C1QTNF9: variants seen among roughly 807,000 people sequenced by gnomAD.
The protein encoded by C1QTNF9 is complement C1q and tumor necrosis factor-related protein 9A.
Under a neutral mutation model 10.1 loss-of-function variants are expected in C1QTNF9, and 6 were observed. The observed-to-expected ratio is 0.59, with a 90% CI of 0.32 to 1.17. The LOEUF (loss-of-function observed/expected upper bound fraction) is 1.17. Among genes scored for constraint, C1QTNF9 ranks in the 50% most tolerant of loss-of-function variants. The pLI, the probability that C1QTNF9 is intolerant of heterozygous loss-of-function variation, is 0.04. For synonymous variants in C1QTNF9, 98 were observed against 163.5 expected, an observed-to-expected ratio of 0.60 and a Z score of 3.06; for missense variants, 201 against 418.8, an observed-to-expected ratio of 0.48 and a Z score of 4.54.
intron 1 of C1QTNF9, among the ~76,000 whole-genome samples, chr13:24,314,223 C>A (rs1361978701): frequency 2.0e-5 from 3 of 152,060 alleles, no homozygotes; most frequent in Admixed American, 6.6e-5. Flanking sequence ...ACTATGCCCA[C>A]GTTTTTGTTT....
At chr13:24,317,045 G>C (rs1878065798) in intron 2 of C1QTNF9, among the ~76,000 whole-genome samples, 1 of 152,174 alleles carries the variant, frequency 6.6e-6, no homozygotes, top group Non-Finnish European at 1.5e-5. Flanking sequence ...TTTTGAGTGG[G>C]CTGGATGAAG....
intron 3 of C1QTNF9, among the ~76,000 whole-genome samples, chr13:24,319,495 C>T (rs1593536367): frequency 6.6e-6 from 1 of 152,210 alleles, no homozygotes. Flanking sequence ...GCCATGATCT[C>T]GTCACTGCAC....
chr13:24,311,040 C>T (rs375534604), intron 1 of C1QTNF9, among the ~76,000 whole-genome samples: 1 of 152,172 alleles, frequency 6.6e-6, no homozygotes, highest in African/African-American at 2.4e-5. Flanking sequence ...TCGTCAGATC[C>T]GGGAGGGCAT....
exon 4 of C1QTNF9, chr13:24,322,101 G>A (rs932396972): frequency 4.7e-5 from 11 of 234,910 alleles, no homozygotes; most frequent in African/African-American, 6.8e-5. Flanking sequence ...CCTCATCTGT[G>A]TTTCTGAGGA....
chr13:24,321,238 G>C, exon 4 of C1QTNF9: 1 of 1,271,080 alleles, frequency 7.9e-7, no homozygotes, highest in Non-Finnish European at 1.1e-6. Flanking sequence ...GGGCCCTATT[G>C]GAAAGCCTGG....
intron 2 of C1QTNF9, among the ~76,000 whole-genome samples, chr13:24,318,617 T>G (rs866193421): frequency 7.3e-6 from 1 of 137,002 alleles, no homozygotes; most frequent in African/African-American, 2.6e-5. Context: ...ATTTCTTAGG[T>G]CACTTATCCC....
At chr13:24,319,522 G>C (rs1878168740) in intron 3 of C1QTNF9, among the ~76,000 whole-genome samples, 1 of 152,164 alleles carries the variant, frequency 6.6e-6, no homozygotes, top group Non-Finnish European at 1.5e-5. Flanking sequence ...CTGGGTAACA[G>C]AGTGGGTGAC....
chr13:24,312,068 A>G (rs1877845813), intron 1 of C1QTNF9, among the ~76,000 whole-genome samples: 2 of 152,172 alleles, frequency 1.3e-5, no homozygotes, highest in African/African-American at 2.4e-5. Context: ...ATTACTCTGG[A>G]TGAAGGTGAG....
At chr13:24,309,308 T>TATATATATATATATA (rs1480664232), upstream of C1QTNF9, among the ~76,000 whole-genome samples, 1 of 141,556 alleles carries the variant, frequency 7.1e-6, no homozygotes, top group Non-Finnish European at 1.5e-5. Context: ...TATATATATA[T>TATATATATATATATA]GAAAGAAACC....
At chr13:24,312,960 AAAAAAAAAAG>A (rs1339438888) in intron 1 of C1QTNF9, among the ~76,000 whole-genome samples, 2 of 151,620 alleles carry the variant, frequency 1.3e-5, no homozygotes, top group Admixed American at 6.6e-5. Context: ...ATCTCAAAAA[AAAAAAAAAAG>A]AAAAAAAAAA....
At chr13:24,316,523 G>C (rs1399824589) in intron 2 of C1QTNF9, among the ~76,000 whole-genome samples, 1 of 152,162 alleles carries the variant, frequency 6.6e-6, no homozygotes, top group African/African-American at 2.4e-5. Flanking sequence ...AGGTATGATG[G>C]ATTTTTGGCA....
chr13:24,318,075 G>A lies in C1QTNF9; in HGVS notation c.167-743G>A, dbSNP rs1176552262. ...CCACGTCAGTGGGTCTGAAGTATGG[G>A]AGTCTCTGCTGCTTTGTGAGAAGCC... On this transcript the variant is annotated intron_variant, in intron 2 of 3. Coordinates refer to ENST00000332018, the Ensembl canonical transcript of C1QTNF9. 2.0e-5 allele frequency among the ~76,000 whole-genome samples: 3 copies of A among 152,160 alleles called. No homozygotes were observed. In the East Asian group the frequency reaches 5.8e-4, roughly 29 times the overall value.
At chr13:24,314,647 G>T (rs1424298289) in intron 1 of C1QTNF9, among the ~76,000 whole-genome samples, 5 of 152,078 alleles carry the variant, frequency 3.3e-5, no homozygotes, top group Admixed American at 6.5e-5. Flanking sequence ...ACTCCAGCTT[G>T]GGCCACAAGG....
intron 1 of C1QTNF9, among the ~76,000 whole-genome samples, chr13:24,311,835 C>T (rs753147544): frequency 6.6e-5 from 10 of 152,308 alleles, no homozygotes; most frequent in Admixed American, 1.3e-4. Context: ...TGTTGCCCTC[C>T]TTCAAGGAGT....
chr13:24,318,234 C>T (rs563465232), intron 2 of C1QTNF9, among the ~76,000 whole-genome samples: 2 of 152,296 alleles, frequency 1.3e-5, no homozygotes, highest in Non-Finnish European at 2.9e-5. Flanking sequence ...TGAGTGTAGT[C>T]AGCAGAGCCC....
upstream of C1QTNF9, among the ~76,000 whole-genome samples, chr13:24,308,370 C>T (rs1877680458): frequency 6.6e-6 from 1 of 152,226 alleles, no homozygotes; most frequent in South Asian, 2.1e-4. Flanking sequence ...GGAGCCCGGC[C>T]AGAACTGCTG....
chr13:24,308,639 C>T (rs1302391507), upstream of C1QTNF9, among the ~76,000 whole-genome samples: 1 of 152,214 alleles, frequency 6.6e-6, no homozygotes, highest in Non-Finnish European at 1.5e-5. Flanking sequence ...GTACACTCGG[C>T]CTCTGCCCCT....
chr13:24,320,169 G>T lies in C1QTNF9; in HGVS notation c.230-827G>T, dbSNP rs540618288. ...GTTTTTAGAGGATGTCACGACTAGG[G>T]TTGAGTGTCAGTTAATCTACCTGTC... On this transcript the variant is annotated intron_variant, in intron 3 of 3. Transcript: ENST00000332018. Among the ~76,000 whole-genome samples the T allele has an allele frequency of 5.9e-5, 9 of 151,974 alleles. No individual in the cohort carries two copies. The South Asian group carries it at 1.9e-3, about 32-fold the overall frequency.
At chr13:24,317,987 T>G (rs1593535307) in intron 2 of C1QTNF9, among the ~76,000 whole-genome samples, 1 of 152,296 alleles carries the variant, frequency 6.6e-6, no homozygotes, top group East Asian at 1.9e-4. Flanking sequence ...GAAATAAGTC[T>G]GCCTGTGTCA....
Sources: allele counts gnomAD v4.1 joint callset (sites outside exome capture counted in the v4.1 genomes callset), GRCh38; gene constraint gnomAD v4.1.1; transcripts MANE v1.5; gene names NCBI Gene and HGNC (gene_info 2026-07-23, HGNC 2026-07-21).